KHDRBS2: variants seen among roughly 807,000 people sequenced by gnomAD.
The protein encoded by KHDRBS2 is KH RNA binding domain containing, signal transduction associated 2.
KHDRBS2 carries 26 observed loss-of-function variants against 44.3 expected under a neutral mutation model. The ratio of observed to expected loss-of-function variants is 0.59; its 90% CI spans 0.43 to 0.81. KHDRBS2 has a LOEUF of 0.81. Ranked by LOEUF, KHDRBS2 falls within the 40% of genes least tolerant of loss-of-function variation. The pLI is 0.00. For synonymous variants in KHDRBS2, 194 were observed against 151.1 expected, an observed-to-expected ratio of 1.28 and a Z score of -2.08; for missense variants, 476 against 433.1, an observed-to-expected ratio of 1.10 and a Z score of -0.88.
intron 2 of KHDRBS2, among the ~76,000 whole-genome samples, chr6:62,064,901 C>G (rs1408695266): frequency 2.7e-5 from 4 of 150,250 alleles, no homozygotes. Flanking sequence ...GGGCTAATAT[C>G]CAGAATCTAC....
intron 6 of KHDRBS2, among the ~76,000 whole-genome samples, chr6:61,749,077 A>G (rs1401527167): frequency 7.4e-6 from 1 of 134,636 alleles, no homozygotes; most frequent in Non-Finnish European, 1.5e-5. Flanking sequence ...CAGTGGCACA[A>G]TCTCGGCTCA....
chr6:62,246,227 G>T (rs978618407), intron 1 of KHDRBS2, among the ~76,000 whole-genome samples: 11 of 150,356 alleles, frequency 7.3e-5, no homozygotes, highest in Non-Finnish European at 1.6e-4. Flanking sequence ...ATTAAAATAG[G>T]ATGTTCTTAT....
chr6:61,804,814 G>A (rs1185009707), intron 6 of KHDRBS2, among the ~76,000 whole-genome samples: 1 of 152,168 alleles, frequency 6.6e-6, no homozygotes, highest in African/African-American at 2.4e-5. Context: ...GCAAGACCCT[G>A]GGCCTGGCCC....
At chr6:62,280,896 T>A (rs1266174979) in intron 1 of KHDRBS2, among the ~76,000 whole-genome samples, 1 of 152,162 alleles carries the variant, frequency 6.6e-6, no homozygotes, top group Non-Finnish European at 1.5e-5. Context: ...ACATTTGGTC[T>A]TCTGGGAATG....
intron 6 of KHDRBS2, among the ~76,000 whole-genome samples, chr6:61,831,864 CTG>C (rs1375165783): frequency 1.3e-5 from 2 of 152,102 alleles, no homozygotes; most frequent in Admixed American, 1.3e-4. Context: ...GCAATTTTAA[CTG>C]TAGTAAACTG....
intron 2 of KHDRBS2, among the ~76,000 whole-genome samples, chr6:62,165,231 A>T (rs903655874): frequency 6.6e-6 from 1 of 151,094 alleles, no homozygotes; most frequent in Admixed American, 6.6e-5. Context: ...CCCATAACTC[A>T]TTCTAGTACA....
intron 2 of KHDRBS2, among the ~76,000 whole-genome samples, chr6:62,096,784 T>A (rs1800703721): frequency 6.6e-6 from 1 of 151,864 alleles, no homozygotes; most frequent in South Asian, 2.1e-4. Flanking sequence ...GTTTTTCTAG[T>A]TCCTTGAGCT....
At chr6:61,754,335 C>T (rs898900031) in intron 6 of KHDRBS2, among the ~76,000 whole-genome samples, 3 of 152,072 alleles carry the variant, frequency 2.0e-5, no homozygotes, top group Admixed American at 6.5e-5. Flanking sequence ...GAGAACATTA[C>T]AGGATTGAGA....
chr6:62,269,786 T>A (rs1839781773), intron 1 of KHDRBS2, among the ~76,000 whole-genome samples: 1 of 152,132 alleles, frequency 6.6e-6, no homozygotes, highest in Non-Finnish European at 1.5e-5. Context: ...TGAACTTTTA[T>A]AACAACTTAT....
intron 2 of KHDRBS2, among the ~76,000 whole-genome samples, chr6:62,134,808 C>T (rs747876914): frequency 6.6e-6 from 1 of 152,144 alleles, no homozygotes; most frequent in Non-Finnish European, 1.5e-5. Flanking sequence ...CAGACTTGCA[C>T]GGGGCCTTTA....
the KHDRBS2 span, among the ~76,000 whole-genome samples, chr6:61,620,552 T>A: frequency 6.6e-6 from 1 of 152,182 alleles, no homozygotes; most frequent in African/African-American, 2.4e-5. Flanking sequence ...AAGTTAAATT[T>A]CACCATTGCA....
At chr6:62,055,318 A>G (rs1438300349) in intron 2 of KHDRBS2, among the ~76,000 whole-genome samples, 1 of 152,160 alleles carries the variant, frequency 6.6e-6, no homozygotes, top group African/African-American at 2.4e-5. Flanking sequence ...GAATGGAAAA[A>G]TCTTATGAGA....
At chr6:61,775,205 G>A (rs1781743473) in intron 6 of KHDRBS2, among the ~76,000 whole-genome samples, 1 of 152,020 alleles carries the variant, frequency 6.6e-6, no homozygotes, top group African/African-American at 2.4e-5. Flanking sequence ...GGCAAAAACT[G>A]GAAGCATTCC....
chr6:62,211,143 T>C (rs1439053977), intron 1 of KHDRBS2, among the ~76,000 whole-genome samples: 3 of 152,170 alleles, frequency 2.0e-5, no homozygotes, highest in African/African-American at 7.2e-5. Flanking sequence ...CCTGTAATTA[T>C]AAGTTAGTCT....
At chr6:61,634,953 A>G in the KHDRBS2 span, among the ~76,000 whole-genome samples, 1 of 134,754 alleles carries the variant, frequency 7.4e-6, no homozygotes, top group South Asian at 2.2e-4. Context: ...GCTAACTGCC[A>G]AAAAAAGAAG....
At chr6:62,150,473 C>T (rs1407389509) in intron 2 of KHDRBS2, among the ~76,000 whole-genome samples, 2 of 152,116 alleles carry the variant, frequency 1.3e-5, no homozygotes, top group South Asian at 4.1e-4. Context: ...TAGGAGGAGA[C>T]AGTACCTTCC....
At chr6:62,071,925 C>T (rs1193702227) in intron 2 of KHDRBS2, among the ~76,000 whole-genome samples, 2 of 152,024 alleles carry the variant, frequency 1.3e-5, no homozygotes, top group Non-Finnish European at 1.5e-5. Flanking sequence ...TATAAATTAC[C>T]TTGGACAGTA....
chr6:61,612,536 C>A, the KHDRBS2 span, among the ~76,000 whole-genome samples: 5 of 152,114 alleles, frequency 3.3e-5, no homozygotes, highest in African/African-American at 7.2e-5. Context: ...TGCAGAAGGG[C>A]AAATAAGACA....
chr6:62,213,336 T>C (rs1184216571), intron 1 of KHDRBS2, among the ~76,000 whole-genome samples: 2 of 151,630 alleles, frequency 1.3e-5, no homozygotes, highest in Admixed American at 1.3e-4. Flanking sequence ...TGCAGTTGCA[T>C]AGCGCAGAAT....
Sources: gnomAD v4.1 joint callset for allele counts (sites outside exome capture counted in the v4.1 genomes callset) on GRCh38, gnomAD v4.1.1 for gene constraint, MANE v1.5 for transcripts, NCBI Gene and HGNC (gene_info 2026-07-23, HGNC 2026-07-21) for gene names.